The following USP54 variants were observed in gnomAD, a reference collection of about 807,000 sequenced individuals.
USP54 encodes the protein ubiquitin specific peptidase 54, also known as ubiquitin carboxyl-terminal hydrolase 54.
Under a neutral mutation model 170.5 loss-of-function variants are expected in USP54, and 87 were observed. The ratio of observed to expected loss-of-function variants is 0.51; its 90% CI spans 0.43 to 0.61. USP54 has a LOEUF of 0.61. Ranked by LOEUF, USP54 falls within the 20% of genes least tolerant of loss-of-function variation. The pLI, the probability that USP54 is intolerant of heterozygous loss-of-function variation, is 0.00. For synonymous variants in USP54, 655 were observed against 742.8 expected, an observed-to-expected ratio of 0.88 and a Z score of 1.92; for missense variants, 1,786 against 2,047.8, an observed-to-expected ratio of 0.87 and a Z score of 2.47.
upstream of USP54, among the ~76,000 whole-genome samples, chr10:73,594,988 T>C (rs1206476322): frequency 2.0e-5 from 3 of 151,290 alleles, no homozygotes; most frequent in Non-Finnish European, 2.9e-5. Flanking sequence ...TATAGTGCCA[T>C]AATCTCAGCT....
chr10:73,593,126 T>C (rs897969613), upstream of USP54, among the ~76,000 whole-genome samples: 6 of 151,880 alleles, frequency 4.0e-5, no homozygotes, highest in African/African-American at 1.2e-4. Context: ...TGGGAGGCCA[T>C]TGCGGGAGGA....
intron 4 of USP54, among the ~76,000 whole-genome samples, chr10:73,551,836 T>G (rs1199114781): frequency 6.6e-6 from 1 of 152,198 alleles, no homozygotes; most frequent in African/African-American, 2.4e-5. Flanking sequence ...AATCTGAAAT[T>G]TATAAACTCT....
Position 73,517,423 on chromosome 10 carries a change from G to T in USP54, c.3003C>A (p.Gly1001=). The stretch of plus-strand genomic sequence containing the variant: ...TGCAACTGCTGTTGTCACACCTAGA[G>T]CCTTGCAGCTTACCCTCTGGGGCAT... ...PLDAPEGKLQ[G]SRCDNSSCSK... Residue 1001 remains glycine (G), a synonymous_variant, in exon 20 of 24, where the codon GGC becomes GGA. Transcript: ENST00000687698. 1.2e-6 allele frequency: 2 copies of T among 1,614,166 alleles called. No homozygotes were observed. The highest frequency in any genetic ancestry group is 2.2e-5 in the South Asian group (2 of 91,084).
rs779542558 is a variant in USP54, at chr10:73,530,466, G to A, written c.1505C>T (p.Thr502Ile). ...CTCTTTAAAATCTCTCAGCCTGTTGGTGCTGCTGGATGGTTTGGAGGCATT... is the reference window on the plus strand; with the variant it reads ...CTCTTTAAAATCTCTCAGCCTGTTGATGCTGCTGGATGGTTTGGAGGCATT... ...PRNASKPSSS[T>I]NRLRDFKETV... The change falls in exon 14 of 24, where the codon ACC becomes ATC. Residue 502 changes from threonine (T) to isoleucine (I), a missense_variant. Thr to Ile is a moderately conservative substitution (Grantham distance 89). This residue lies in a region of USP54 where 1,418 missense variants were observed against 1,569.0 expected (regional missense o/e 0.90). Transcript: ENST00000687698. 1 of 1,614,008 alleles carries A rather than the reference G, an allele frequency of 6.2e-7. No individual in the cohort carries two copies. The highest frequency in any genetic ancestry group is 8.5e-7 in the Non-Finnish European group (1 of 1,180,008).
chr10:73,528,344 T>G (rs576030583), intron 15 of USP54, among the ~76,000 whole-genome samples: 1 of 151,796 alleles, frequency 6.6e-6, no homozygotes, highest in Non-Finnish European at 1.5e-5. Context: ...GTCCACCTCC[T>G]GGGTTCAAGT....
rs1426941482 is a variant in USP54, at chr10:73,498,566, G to C, written c.*63C>G. 6.8e-7 allele frequency: 1 copy of C among 1,463,658 alleles called. No individual in the cohort carries two copies. Among genetic ancestry groups the C allele is most frequent in the Non-Finnish European group, 9.1e-7 (1 of 1,098,498 alleles). 90.7% of individuals were successfully genotyped at this position (1,463,658 alleles called of 1,614,324 possible). A position where few individuals can be genotyped will look rare whatever the true frequency, so the allele number is the denominator to read the frequency against. ...TGGGATTACAGGTGTGAGCCACCGC[G>C]CCCGGCCCACAGTACAGTTTTACAA... On this transcript the variant is annotated 3_prime_UTR_variant, in exon 24 of 24. Coordinates refer to ENST00000687698, the MANE Select transcript of USP54 (RefSeq NM_001391956.1).
chr10:73,542,837 G>C lies in USP54; in HGVS notation c.538C>G (p.Gln180Glu). Residue 180 changes from glutamine to glutamate, a missense_variant, in exon 7 of 24, where the codon CAG becomes GAG. By Grantham distance (29) the Gln-to-Glu change is conservative. Around this residue, in one of 3 missense-constraint regions of USP54, gnomAD observed 361 missense variants for 455.0 expected, o/e 0.79. Transcript: ENST00000687698. ...GTGGTGGAGATATAATGTACCATCT[G>C]GATGAAAGGCAGCGGATCAGAAGTG... ...GATSDPLPFI[Q>E]MVHYISTTSL... 6.2e-7 allele frequency: 1 copy of C among 1,614,048 alleles called. No individual in the cohort carries two copies. The highest frequency in any genetic ancestry group is 8.5e-7 in the Non-Finnish European group (1 of 1,180,016).
intron 1 of USP54, among the ~76,000 whole-genome samples, chr10:73,579,877 A>C (rs1262961497): frequency 6.6e-6 from 1 of 152,224 alleles, no homozygotes; most frequent in East Asian, 1.9e-4. Context: ...AAAGATGTTC[A>C]ACATTATTAG....
At chr10:73,534,083 T>G (rs1311485898) in intron 12 of USP54, among the ~76,000 whole-genome samples, 1 of 152,274 alleles carries the variant, frequency 6.6e-6, no homozygotes, top group African/African-American at 2.4e-5. Context: ...GACAGGAGTA[T>G]GTGCAATGGA....
At chr10:73,518,629 T>C (rs1179642232) in intron 19 of USP54, 1 of 151,976 alleles carries the variant, frequency 6.6e-6, no homozygotes, top group African/African-American at 2.4e-5. Flanking sequence ...TTATGGAGAA[T>C]ATGATTTACT....
intron 1 of USP54, among the ~76,000 whole-genome samples, chr10:73,577,854 C>T (rs933410624): frequency 2.0e-5 from 3 of 152,074 alleles, no homozygotes; most frequent in Admixed American, 6.6e-5. Context: ...GACTATAAGA[C>T]CCTCACCTTT....
rs528704356 is a variant in USP54, at chr10:73,616,170, C to G, written c.-18+9397G>C. Among the ~76,000 whole-genome samples, 104 of 149,622 alleles carry G rather than the reference C, an allele frequency of 7.0e-4. 2 individuals are homozygous for G. The highest frequency in any genetic ancestry group is 6.1e-3 in the Admixed American group (92 of 15,156). ...CCTGGCGAACATGGTGAAACCCTGT[C>G]TCTTCTAAAAATACAAAATTAGCCA... On this transcript the variant is annotated intron_variant, in intron 1 of 22. Transcript: ENST00000339859.
At chr10:73,569,219 T>C (rs554608932) in intron 4 of USP54, among the ~76,000 whole-genome samples, 51 of 152,316 alleles carry the variant, frequency 3.3e-4, no homozygotes, top group African/African-American at 1.2e-3. Context: ...TTTTTTGTTG[T>C]TGTTTTTTTC....
intron 22 of USP54, 83 bp from the exon 23 acceptor site, chr10:73,500,921 G>C (rs530927755): frequency 1.4e-6 from 2 of 1,446,930 alleles, no homozygotes; most frequent in African/African-American, 2.9e-5. Flanking sequence ...AGTGAGGCAA[G>C]CAAAGGGAAA....
chr10:73,596,160 G>A (rs191789912), upstream of USP54, among the ~76,000 whole-genome samples: 6 of 150,872 alleles, frequency 4.0e-5, no homozygotes, highest in Middle Eastern at 3.6e-3. Flanking sequence ...AGTGGCTCAC[G>A]CCTATAATCC....
In USP54 at chr10:73,571,407, T is replaced by C. The variant is rs753921217; in HGVS notation, c.240+14A>G. The C allele has an allele frequency of 1.3e-5, 21 of 1,610,616 alleles. No homozygotes were observed. The highest frequency in any genetic ancestry group is 8.8e-5 in the South Asian group (8 of 90,580). On this transcript the variant is annotated intron_variant, in intron 4 of 23. Coordinates refer to ENST00000687698, the MANE Select transcript of USP54 (RefSeq NM_001391956.1). The stretch of plus-strand genomic sequence containing the variant: ...CCCAATGGTAGTGAGAAGAAACTAA[T>C]TGGAAGTACTTACCTTGAGAGCGCA...
intron 1 of USP54, among the ~76,000 whole-genome samples, chr10:73,577,245 C>G (rs1007543819): frequency 6.6e-6 from 1 of 152,236 alleles, no homozygotes; most frequent in African/African-American, 2.4e-5. Context: ...TTCTCACCAT[C>G]ATATGCACCA....
In USP54 at chr10:73,539,447, C is replaced by T. The variant is rs767197545; in HGVS notation, c.972G>A (p.Lys324=). The T allele has an allele frequency of 3.1e-6, 5 of 1,609,170 alleles. No individual in the cohort carries two copies. Among genetic ancestry groups the T allele is most frequent in the South Asian group, 2.2e-5 (2 of 90,362 alleles). Residue 324 remains lysine, a synonymous_variant, in exon 10 of 24, where the codon AAG becomes AAA. Transcript: ENST00000687698. ...KWMYFDDAHV[K]EIGPKWKDVV... is the part of the protein sequence containing the mutation. ...AAAAGGACTTGACTACTCCTACCTC[C>T]TTGACATGAGCATCATCAAAATACA...
chr10:73,507,630 C>T (rs547271600), intron 20 of USP54, among the ~76,000 whole-genome samples: 15 of 143,972 alleles, frequency 1.0e-4, no homozygotes, highest in Admixed American at 2.1e-4. Context: ...GTCAACATCA[C>T]GCCACTGAAC....
Sources: gnomAD v4.1 joint callset for allele counts (sites outside exome capture counted in the v4.1 genomes callset) on GRCh38, gnomAD v4.1.1 for gene constraint, gnomAD v4.1.1 regional missense constraint, MANE v1.5 for transcripts, NCBI Gene and HGNC (gene_info 2026-07-23, HGNC 2026-07-21) for gene names.